The following PPFIBP2 variants were observed in gnomAD, a reference collection of about 807,000 sequenced individuals.
PPFIBP2 encodes PPFIB scaffold protein 2.
Under a neutral mutation model 118.3 loss-of-function variants are expected in PPFIBP2, and 118 were observed. That is an observed-to-expected ratio of 1.00 (90% confidence interval 0.86 to 1.16). The LOEUF (loss-of-function observed/expected upper bound fraction) is 1.16. PPFIBP2 is among the 50% of genes most tolerant of loss of function. The pLI is 0.00. For synonymous variants in PPFIBP2, 414 were observed against 397.4 expected (o/e 1.04, Z -0.50); for missense variants, 1,195 against 1,073.1 (o/e 1.11, Z -1.59).
At chr11:7,665,688 T>A in the PPFIBP2 span, 1 of 1,142,078 alleles carries the variant, frequency 8.8e-7, no homozygotes, top group Non-Finnish European at 1.2e-6. Flanking sequence ...TACTGCTCCC[T>A]GCAAAAAGCC....
At chr11:7,581,989 G>A (rs1047300775) in intron 3 of PPFIBP2, among the ~76,000 whole-genome samples, 18 of 151,896 alleles carry the variant, frequency 1.2e-4, no homozygotes, top group Non-Finnish European at 2.4e-4. Flanking sequence ...GGCATACACC[G>A]CCATGCCCAG....
In PPFIBP2 at chr11:7,639,886, T is replaced by A; in HGVS notation, c.1375+16T>A. 6.2e-7 allele frequency: 1 copy of A among 1,610,262 alleles called. No homozygotes were observed. Among genetic ancestry groups the A allele is most frequent in the South Asian group, 1.1e-5 (1 of 90,520 alleles). The stretch of plus-strand genomic sequence containing the variant: ...CTGAGGCTGAGTGAGTGTCCAGCCC[T>A]GGTGCTGGTGGCCTCTGAGCAGTGT... On this transcript the variant is annotated intron_variant, in intron 15 of 23. Coordinates refer to ENST00000299492, the MANE Select transcript of PPFIBP2 (RefSeq NM_003621.5).
At chr11:7,582,095 C>A (rs1345788356) in intron 3 of PPFIBP2, among the ~76,000 whole-genome samples, 1 of 151,470 alleles carries the variant, frequency 6.6e-6, no homozygotes, top group Admixed American at 6.5e-5. Flanking sequence ...GCCTCAGCCT[C>A]CCAAAGTGCT....
chr11:7,628,035 CA>C lies in PPFIBP2; in HGVS notation c.827-249del, dbSNP rs202195962. Among the ~76,000 whole-genome samples the C allele has an allele frequency of 8.0e-3, 1,211 of 152,308 alleles. 13 individuals are homozygous for C. The highest frequency in any genetic ancestry group is 0.027 in the African/African-American group (1,110 of 41,562). The stretch of plus-strand genomic sequence containing the variant: ...TTGGCTTCCTCTGTCCTCTCGAGTA[CA>C]TGGGCATTTTGATTTTGCCCATAAA... On this transcript the variant is annotated intron_variant, in intron 8 of 23. Coordinates refer to ENST00000299492, the MANE Select transcript of PPFIBP2 (RefSeq NM_003621.5).
At position 7,648,471 on chromosome 11, in the gene PPFIBP2, C is replaced by T. The variant is rs867600841; in HGVS notation, c.1731C>T (p.Ile577=). The T allele has an allele frequency of 6.2e-7, 1 of 1,614,074 alleles. No homozygotes were observed. The highest frequency in any genetic ancestry group is 8.5e-7 in the Non-Finnish European group (1 of 1,180,024). Residue 577 remains isoleucine, a synonymous_variant, in exon 18 of 24, where the codon ATC becomes ATT. Transcript: ENST00000299492. ...LEDFGLAQYV[I]FARQWVSSGH... ...ACTTTGGCCTGGCTCAGTATGTGATCTTTGCCAGGCAGTGGGTATCTTCTG... is the reference window on the plus strand; with the variant it reads ...ACTTTGGCCTGGCTCAGTATGTGATTTTTGCCAGGCAGTGGGTATCTTCTG...
intron 4 of PPFIBP2, 47 bp from the exon 5 acceptor site, chr11:7,597,513 C>G: frequency 6.4e-7 from 1 of 1,572,506 alleles, no homozygotes. Flanking sequence ...TTTCCTGCAC[C>G]ATGTCAAATC....
chr11:7,610,015 A>G lies in PPFIBP2; in HGVS notation c.487-276A>G, dbSNP rs61888782. Among the ~76,000 whole-genome samples, 3,319 of 152,370 alleles carry G rather than the reference A, an allele frequency of 0.022. 57 individuals are homozygous for G. Among genetic ancestry groups the G allele is most frequent in the Non-Finnish European group, 0.037 (2,527 of 68,030 alleles). The stretch of plus-strand genomic sequence containing the variant: ...TCCATTCACTTTTCTCTACATGGAA[A>G]TAATGAATAATGGTCTCTATGGGCA... On this transcript the variant is annotated intron_variant, in intron 5 of 23. Transcript: ENST00000299492.
intron 6 of PPFIBP2, among the ~76,000 whole-genome samples, chr11:7,620,315 A>G (rs977116452): frequency 3.9e-5 from 6 of 152,080 alleles, no homozygotes; most frequent in Non-Finnish European, 1.5e-5. Flanking sequence ...CTCTAGCCGC[A>G]TGAGTTATCT....
At chr11:7,527,770 GT>G (rs1394888170) in intron 1 of PPFIBP2, among the ~76,000 whole-genome samples, 1 of 152,172 alleles carries the variant, frequency 6.6e-6, no homozygotes, top group Non-Finnish European at 1.5e-5. Context: ...GGGAACAGCA[GT>G]GCACAAAGGA....
At chr11:7,631,683 T>C (rs1229926974) in intron 11 of PPFIBP2, among the ~76,000 whole-genome samples, 3 of 152,146 alleles carry the variant, frequency 2.0e-5, no homozygotes, top group Non-Finnish European at 4.4e-5. Context: ...CACTATCAAA[T>C]TGAAAAGAAT....
rs920764645 is a variant in PPFIBP2, at chr11:7,621,688, T to G, written c.711+661T>G. 2.0e-5 allele frequency among the ~76,000 whole-genome samples: 3 copies of G among 152,240 alleles called. No individual in the cohort carries two copies. In the East Asian group the frequency reaches 5.8e-4, roughly 29 times the overall value. ...GCCTGCACATTGGATTTTAAAACGT[T>G]AAATTGTTATTTAAATTTCAGGAAG... On this transcript the variant is annotated intron_variant, in intron 7 of 23. Coordinates refer to ENST00000299492, the MANE Select transcript of PPFIBP2 (RefSeq NM_003621.5).
intron 1 of PPFIBP2, among the ~76,000 whole-genome samples, chr11:7,541,206 G>A (rs1430884277): frequency 6.6e-6 from 1 of 152,224 alleles, no homozygotes; most frequent in Non-Finnish European, 1.5e-5. Context: ...CTTACAGGAG[G>A]CTGGGCCTCT....
intron 2 of PPFIBP2, among the ~76,000 whole-genome samples, chr11:7,551,935 G>A (rs1413296799): frequency 6.6e-6 from 1 of 152,204 alleles, no homozygotes; most frequent in South Asian, 2.1e-4. Flanking sequence ...GGCCCTAAGT[G>A]TGGGTTGTGT....
chr11:7,572,828 G>A (rs958172178), intron 3 of PPFIBP2, among the ~76,000 whole-genome samples: 1 of 152,218 alleles, frequency 6.6e-6, no homozygotes, highest in African/African-American at 2.4e-5. Flanking sequence ...TGCCCAGGCT[G>A]GAGTGCAATA....
chr11:7,662,170 G>C, the PPFIBP2 span, among the ~76,000 whole-genome samples: 3 of 151,000 alleles, frequency 2.0e-5, no homozygotes, highest in African/African-American at 7.3e-5. Context: ...ATTGTTATGT[G>C]TGAATTTGAT....
chr11:7,656,285 C>T (rs1454284316), downstream of PPFIBP2, among the ~76,000 whole-genome samples: 3 of 152,156 alleles, frequency 2.0e-5, no homozygotes, highest in Admixed American at 6.5e-5. Flanking sequence ...CTGTCCCCAT[C>T]GAGGCCCCTG....
intron 5 of PPFIBP2, among the ~76,000 whole-genome samples, chr11:7,608,743 T>C (rs1224619948): frequency 6.6e-6 from 1 of 152,278 alleles, no homozygotes; most frequent in Non-Finnish European, 1.5e-5. Flanking sequence ...TTTCCTCATC[T>C]GTCAAATTGG....
chr11:7,549,677 T>G, intron 2 of PPFIBP2, 138 bp downstream of exon 2: 1 of 900,058 alleles, frequency 1.1e-6, no homozygotes, highest in Non-Finnish European at 1.6e-6. Flanking sequence ...GGTGTTATTG[T>G]GTATGTAATC....
At chr11:7,524,258 T>C (rs1850026950) in intron 1 of PPFIBP2, among the ~76,000 whole-genome samples, 1 of 152,128 alleles carries the variant, frequency 6.6e-6, no homozygotes, top group Non-Finnish European at 1.5e-5. Context: ...GTTACCTCTT[T>C]CTTGCCTGCT....
Sources: gnomAD v4.1 joint callset for allele counts (sites outside exome capture counted in the v4.1 genomes callset) on GRCh38, gnomAD v4.1.1 for gene constraint, MANE v1.5 for transcripts, NCBI Gene and HGNC (gene_info 2026-07-23, HGNC 2026-07-21) for gene names.